The following RASSF3 variants were observed in gnomAD, a reference collection of about 807,000 sequenced individuals.
The protein encoded by RASSF3 is ras association domain-containing protein 3.
In RASSF3, 19 loss-of-function variants were observed where a neutral mutation model predicts 19.9. The ratio of observed to expected loss-of-function variants is 0.96; its 90% CI spans 0.67 to 1.40. RASSF3 has a LOEUF of 1.40. RASSF3 is among the 40% of genes most tolerant of loss of function. The pLI, the probability that RASSF3 is intolerant of heterozygous loss-of-function variation, is 0.00. For synonymous variants in RASSF3, 110 were observed against 104.2 expected (o/e 1.06, Z -0.34); for missense variants, 306 against 289.8 (o/e 1.06, Z -0.41).
Position 64,662,187 on chromosome 12 carries a change from G to A in RASSF3, c.112-22600G>A, listed in dbSNP as rs1035039969. Among the ~76,000 whole-genome samples, 10 of 151,832 alleles carry A rather than the reference G, an allele frequency of 6.6e-5. No individual in the cohort carries two copies. In the East Asian group the frequency reaches 1.2e-3, roughly 18 times the overall value. On this transcript the variant is annotated intron_variant, in intron 1 of 4. Transcript: ENST00000542104. Reference sequence around the variant, plus strand: ...TAATCCTGGCACTTTGGGAGGCAGAGGCAGGTGGATTTCTTGAGTCTAGGA... The same window carrying A: ...TAATCCTGGCACTTTGGGAGGCAGAAGCAGGTGGATTTCTTGAGTCTAGGA...
At chr12:64,568,334 C>T (rs1869464476) in intron 2 of RASSF3, among the ~76,000 whole-genome samples, 1 of 152,054 alleles carries the variant, frequency 6.6e-6, no homozygotes, top group Non-Finnish European at 1.5e-5. Context: ...TGCCTGGCCG[C>T]TTGTTTGGTT....
chr12:64,540,140 C>T (rs1008498808), intron 1 of RASSF3, among the ~76,000 whole-genome samples: 1 of 152,158 alleles, frequency 6.6e-6, no homozygotes, highest in African/African-American at 2.4e-5. Context: ...AGTTGGCAGG[C>T]TAATGGCTTC....
intron 1 of RASSF3, among the ~76,000 whole-genome samples, chr12:64,678,648 C>CAAAAAAAAAAAAAAAAAAAAA (rs767180678): frequency 2.2e-5 from 2 of 90,918 alleles, no homozygotes; most frequent in Non-Finnish European, 4.2e-5. Context: ...TCCGTAATAC[C>CAAAAAAAAAAAAAAAAAAAAA]AAAAAAAAAA....
chr12:64,622,506 C>T (rs770370582), intron 1 of RASSF3: 16 of 530,854 alleles, frequency 3.0e-5, no homozygotes, highest in Non-Finnish European at 5.4e-5. Context: ...AGAAAGGAAT[C>T]GGCATTGGCA....
intron 1 of RASSF3, among the ~76,000 whole-genome samples, chr12:64,631,055 A>T (rs1349259570): frequency 6.6e-6 from 1 of 152,172 alleles, no homozygotes; most frequent in Non-Finnish European, 1.5e-5. Flanking sequence ...CGTTGAAGTC[A>T]TGGGCTTAGA....
At chr12:64,546,868 A>G (rs1869072917) in intron 2 of RASSF3, among the ~76,000 whole-genome samples, 1 of 152,340 alleles carries the variant, frequency 6.6e-6, no homozygotes, top group South Asian at 2.1e-4. Context: ...TGGTCCTTGA[A>G]AAGAACTATT....
chr12:64,590,596 A>G (rs1869904610), intron 2 of RASSF3, among the ~76,000 whole-genome samples: 1 of 152,226 alleles, frequency 6.6e-6, no homozygotes, highest in African/African-American at 2.4e-5. Flanking sequence ...TCTCTCTAAT[A>G]TGTCTACTAT....
At chr12:64,687,474 GTTTTTTGTTTTTT>G (rs1873404010) in intron 2 of RASSF3, among the ~76,000 whole-genome samples, 1 of 148,626 alleles carries the variant, frequency 6.7e-6, no homozygotes, top group Non-Finnish European at 1.5e-5. Context: ...TTTTGTTTTT[GTTTTTTGTTTTTT>G]TTTTTGAGAC....
intron 1 of RASSF3, among the ~76,000 whole-genome samples, chr12:64,611,891 C>T (rs1180728147): frequency 6.6e-6 from 1 of 152,148 alleles, no homozygotes; most frequent in Non-Finnish European, 1.5e-5. Flanking sequence ...TTTTCAGGCT[C>T]TTAAGTCCCA....
upstream of RASSF3, among the ~76,000 whole-genome samples, chr12:64,532,680 T>G (rs925343314): frequency 6.6e-6 from 1 of 151,554 alleles, no homozygotes; most frequent in Admixed American, 6.6e-5. Flanking sequence ...AAAATTTTTT[T>G]TTTAAATTAG....
intron 1 of RASSF3, among the ~76,000 whole-genome samples, chr12:64,657,983 T>C (rs2136195792): frequency 6.6e-6 from 1 of 152,186 alleles, no homozygotes; most frequent in South Asian, 2.1e-4. Flanking sequence ...GCCCAGGAAG[T>C]TGAGGCTGCA....
intron 1 of RASSF3, among the ~76,000 whole-genome samples, chr12:64,513,670 G>T (rs1031566887): frequency 2.0e-5 from 3 of 152,046 alleles, no homozygotes; most frequent in Non-Finnish European, 4.4e-5. Flanking sequence ...CTGAGGCAAG[G>T]TTCCCCTCCC....
intron 2 of RASSF3, among the ~76,000 whole-genome samples, chr12:64,547,861 A>G (rs1869095666): frequency 6.6e-6 from 1 of 152,216 alleles, no homozygotes; most frequent in Non-Finnish European, 1.5e-5. Flanking sequence ...AAACTGTGGA[A>G]AATGTAAAAA....
chr12:64,680,610 G>GT (rs905562206), intron 1 of RASSF3, among the ~76,000 whole-genome samples: 26 of 150,248 alleles, frequency 1.7e-4, no homozygotes, highest in South Asian at 6.4e-4. Context: ...GCTGATCTTT[G>GT]TTTTTTTTTG....
intron 2 of RASSF3, among the ~76,000 whole-genome samples, chr12:64,601,202 T>C (rs965313422): frequency 2.8e-4 from 43 of 151,946 alleles, no homozygotes; most frequent in African/African-American, 1.0e-3. Context: ...AGCAGAAGGA[T>C]CAATTGAACC....
At chr12:64,676,073 T>C (rs928426429) in intron 1 of RASSF3, among the ~76,000 whole-genome samples, 11 of 151,912 alleles carry the variant, frequency 7.2e-5, no homozygotes, top group Admixed American at 2.0e-4. Flanking sequence ...GTGAGAACAC[T>C]GCAGCAAGCA....
chr12:64,599,752 G>A (rs1048246376), intron 2 of RASSF3, among the ~76,000 whole-genome samples: 5 of 152,168 alleles, frequency 3.3e-5, no homozygotes, highest in South Asian at 4.1e-4. Flanking sequence ...TGCCTGATAA[G>A]CCGGGCGCGG....
chr12:64,546,363 C>T (rs1271639392), downstream of RASSF3, among the ~76,000 whole-genome samples: 4 of 152,044 alleles, frequency 2.6e-5, no homozygotes, highest in African/African-American at 9.7e-5. Context: ...CTCCGCCTCC[C>T]GGGTTCATGC....
chr12:64,516,998 C>CAAAAAAAAAA (rs371430838), intron 1 of RASSF3, among the ~76,000 whole-genome samples: 21 of 51,834 alleles, frequency 4.1e-4, no homozygotes, highest in Middle Eastern at 0.011. Flanking sequence ...AAATCTGTCT[C>CAAAAAAAAAA]AAAAAAAAAA....
Sources: allele counts gnomAD v4.1 joint callset (sites outside exome capture counted in the v4.1 genomes callset), GRCh38; gene constraint gnomAD v4.1.1; transcripts MANE v1.5; gene names NCBI Gene and HGNC (gene_info 2026-07-23, HGNC 2026-07-21).